TEAD2: variants seen among roughly 807,000 people sequenced by gnomAD.
TEAD2 encodes the protein transcriptional enhancer factor TEF-4.
Under a neutral mutation model 61.4 loss-of-function variants are expected in TEAD2, and 51 were observed. The ratio of observed to expected loss-of-function variants is 0.83; its 90% CI spans 0.66 to 1.05. The LOEUF is 1.05. TEAD2 is among the 50% of genes least tolerant of loss of function. The probability of loss-of-function intolerance (pLI) is 0.00; values close to 1 mark genes in which losing one functional copy is unlikely to be tolerated. For synonymous variants in TEAD2, 244 were observed against 243.2 expected (o/e 1.00, Z -0.03); for missense variants, 509 against 600.0 (o/e 0.85, Z 1.58).
Position 49,342,481 on chromosome 19 carries a change from C to T in TEAD2, c.1199G>A (p.Arg400Gln), listed in dbSNP as rs145831895. Residue 400 changes from arginine to glutamine, a missense_variant, in exon 12 of 13, where the codon CGA becomes CAA. Arg to Gln is a conservative substitution (Grantham distance 43). Transcript: ENST00000593945. The stretch of plus-strand genomic sequence containing the variant: ...TTCCAGGACGCTGTTCATCATGTAT[C>T]GCTCAGGCAGCTGCCGCAACTTGTG... ...FLHKLRQLPE[R>Q]YMMNSVLENF... 3.8e-4 allele frequency: 608 copies of T among 1,614,152 alleles called. 2 individuals carry two copies. The African/African-American group carries it at 7.1e-3, about 19-fold the overall frequency.
rs1971994994 is a variant in TEAD2, at chr19:49,351,164, G to A, written c.604+137C>T. ...ACTGCACTCCAGCCTGGCGACAGAGGGAGACTCCATCTCAAAACAAAACAA... is the reference window on the plus strand; with the variant it reads ...ACTGCACTCCAGCCTGGCGACAGAGAGAGACTCCATCTCAAAACAAAACAA... On this transcript the variant is annotated intron_variant, in intron 8 of 12. Transcript: ENST00000593945. The A allele has an allele frequency of 3.7e-6, 3 of 818,486 alleles. 1 individual carries two copies. The South Asian group carries it at 5.2e-5, about 14-fold the overall frequency. 50.7% of individuals were successfully genotyped at this position (818,486 alleles called of 1,614,324 possible). A position where few individuals can be genotyped will look rare whatever the true frequency, so the allele number is the denominator to read the frequency against.
intron 10 of TEAD2, among the ~76,000 whole-genome samples, chr19:49,344,783 A>C (rs115076500): frequency 0.034 from 5,234 of 152,142 alleles, 282 homozygotes; most frequent in African/African-American, 0.12. Flanking sequence ...TCCTCCTCAG[A>C]GCACTTCCCC....
intron 4 of TEAD2, among the ~76,000 whole-genome samples, chr19:49,356,754 C>T (rs893321878): frequency 5.3e-5 from 8 of 152,058 alleles, no homozygotes; most frequent in Admixed American, 4.6e-4. Flanking sequence ...ACGGCCCATC[C>T]TTCCTGCTGT....
rs146680889 is a variant in TEAD2, at chr19:49,341,376, G to C, written c.1304C>G (p.Ser435Cys). The change falls in exon 13 of 13, where the codon TCC (serine) becomes TGC (cysteine). Residue 435 changes from serine to cysteine, a missense_variant. Ser to Cys is a moderately radical substitution (Grantham distance 112). Coordinates refer to ENST00000593945, the MANE Select transcript of TEAD2 (RefSeq NM_001256660.2). This position sits in a 1 kb window ranked among gnomAD's most constrained non-coding sequence, Gnocchi z 4.2. ...LLCTAYVFEV[S>C]TSERGAQHHI... ...ATGCTGGGCCCCACGCTCGCTGGTG[G>C]AGACCTCGAAGACATAGGCGGTGCA... is the stretch of plus-strand genomic sequence containing the variant. The C allele has an allele frequency of 6.9e-5, 111 of 1,614,068 alleles. No homozygotes were observed. The African/African-American group carries it at 1.3e-3, about 18-fold the overall frequency.
intron 8 of TEAD2, among the ~76,000 whole-genome samples, chr19:49,350,518 G>C (rs144629428): frequency 5.9e-5 from 9 of 151,352 alleles, no homozygotes; most frequent in Non-Finnish European, 1.0e-4. Flanking sequence ...GTAGAGGTTG[G>C]GGGGGGTGGT....
chr19:49,359,394 C>G lies in TEAD2; in HGVS notation c.297+41G>C. The G allele has an allele frequency of 6.3e-7, 1 of 1,598,790 alleles. No homozygotes were observed. Among genetic ancestry groups the G allele is most frequent in the Non-Finnish European group, 8.6e-7 (1 of 1,166,508 alleles). ...CATGCGAGGATGACCCTAAGAAGAC[C>G]GGCCCATCCCAGACAGAAGCCCACA... is the stretch of plus-strand genomic sequence containing the variant. On this transcript the variant is annotated intron_variant, in intron 3 of 12. Transcript: ENST00000593945. This position sits in a 1 kb window ranked among gnomAD's most constrained non-coding sequence, Gnocchi z 4.1.
chr19:49,342,141 G>A (rs1466402917), intron 12 of TEAD2, among the ~76,000 whole-genome samples: 6 of 151,968 alleles, frequency 3.9e-5, no homozygotes, highest in East Asian at 1.9e-4. Context: ...GCAGTGAGCC[G>A]AGATCTTGCC....
chr19:49,354,468 C>G (rs2146520817), intron 7 of TEAD2, among the ~76,000 whole-genome samples: 1 of 150,790 alleles, frequency 6.6e-6, no homozygotes, highest in South Asian at 2.1e-4. Flanking sequence ...TGTGCCACCG[C>G]ACCCCAGCTT....
chr19:49,359,434 C>A lies in TEAD2; in HGVS notation c.297+1G>T, dbSNP rs1201741777. On this transcript the variant is annotated splice_donor_variant, in intron 3 of 12. Transcript: ENST00000593945. LOFTEE classifies it high-confidence loss of function. The surrounding 1 kb of genome is among the most constrained non-coding windows in gnomAD (Gnocchi z 4.1). The stretch of plus-strand genomic sequence containing the variant: ...AGAAGCCCACAAGTCCATTCCGAGA[C>A]CTGTTTTCGAGTTCGGGTCTTCCCC... 1 of 1,614,050 alleles carries A rather than the reference C, an allele frequency of 6.2e-7. No individual in the cohort carries two copies. The highest frequency in any genetic ancestry group is 1.7e-5 in the Admixed American group (1 of 59,988).
At chr19:49,348,627 A>G (rs763903536) in intron 9 of TEAD2, 76 bp downstream of exon 9, 140 of 1,342,570 alleles carry the variant, frequency 1.0e-4, no homozygotes, top group Non-Finnish European at 1.4e-4. Flanking sequence ...TTTTAAAACC[A>G]TGACTTTATA....
intron 3 of TEAD2, among the ~76,000 whole-genome samples, chr19:49,358,284 G>A (rs749314107): frequency 1.3e-5 from 2 of 151,998 alleles, no homozygotes; most frequent in African/African-American, 2.4e-5. Context: ...ATGTGGAGGC[G>A]CATGCTTGTA....
At chr19:49,346,473 A>G (rs1464704949) in intron 10 of TEAD2, among the ~76,000 whole-genome samples, 2 of 152,112 alleles carry the variant, frequency 1.3e-5, no homozygotes, top group Non-Finnish European at 2.9e-5. Flanking sequence ...CCTGGCCAAC[A>G]TGGTGAAACC....
chr19:49,357,367 T>A, intron 3 of TEAD2, 53 bp from the exon 4 acceptor site: 1 of 1,570,164 alleles, frequency 6.4e-7, no homozygotes, highest in South Asian at 1.1e-5. Context: ...GCCCCTGTGT[T>A]CACTACCCCT....
rs1971262362 is a variant in TEAD2, at chr19:49,341,559, G to A, written c.1243-122C>T. 9 of 759,460 alleles carry A rather than the reference G, an allele frequency of 1.2e-5. No homozygotes were observed. Among genetic ancestry groups the A allele is most frequent in the Non-Finnish European group, 1.8e-5 (8 of 453,496 alleles). 47.0% of individuals were successfully genotyped at this position (759,460 alleles called of 1,614,324 possible). On this transcript the variant is annotated intron_variant, in intron 12 of 12. Transcript: ENST00000593945. The surrounding 1 kb of genome is among the most constrained non-coding windows in gnomAD (Gnocchi z 4.2). ...CTTTTCCATCTCCAGGAAACAGGCC[G>A]CCACCATATCATGTTCCCCAGGAGA...
At chr19:49,356,132 G>T in intron 4 of TEAD2, 162 bp from the exon 5 acceptor site, 1 of 481,098 alleles carries the variant, frequency 2.1e-6, no homozygotes, top group Non-Finnish European at 3.3e-6. Flanking sequence ...AGTGGAGGTG[G>T]CCAGCCCTGG....
In TEAD2 at chr19:49,357,282, C is replaced by T; in HGVS notation, c.330G>A (p.Arg110=). The T allele has an allele frequency of 6.2e-7, 1 of 1,610,724 alleles. No individual in the cohort carries two copies. The highest frequency in any genetic ancestry group is 8.5e-7 in the Non-Finnish European group (1 of 1,178,560). Residue 110 remains arginine (R), a synonymous_variant, in exon 4 of 13, where the codon AGG becomes AGA. Coordinates refer to ENST00000593945, the MANE Select transcript of TEAD2 (RefSeq NM_001256660.2). ...VSSHIQVLAR[R]KSREIQSKLK... is the part of the protein sequence containing the mutation. ...ACTTGGACTGGATTTCCCTTGATTTCCTTCGGGCCAAAACCTGGATGTGAC... is the reference window on the plus strand; with the variant it reads ...ACTTGGACTGGATTTCCCTTGATTTTCTTCGGGCCAAAACCTGGATGTGAC...
At chr19:49,354,078 G>A (rs1416573609) in intron 7 of TEAD2, among the ~76,000 whole-genome samples, 2 of 150,806 alleles carry the variant, frequency 1.3e-5, no homozygotes, top group South Asian at 2.1e-4. Flanking sequence ...GATTACAGGC[G>A]TGAGCCACCA....
rs115878765 is a variant in TEAD2, at chr19:49,341,980, G to A, written c.1242+458C>T. On this transcript the variant is annotated intron_variant, in intron 12 of 12. Coordinates refer to ENST00000593945, the MANE Select transcript of TEAD2 (RefSeq NM_001256660.2). The surrounding 1 kb of genome is among the most constrained non-coding windows in gnomAD (Gnocchi z 4.2). ...GGCCTAGGCAGGTGGATCACTTGAG[G>A]TCGGAGATCAAGACCAACCTGGCCA... 3.7e-3 allele frequency among the ~76,000 whole-genome samples: 565 copies of A among 152,110 alleles called. 2 individuals carry two copies. Among genetic ancestry groups the A allele is most frequent in the Middle Eastern group, 0.014 (4 of 294 alleles).
At chr19:49,347,095 T>A in intron 10 of TEAD2, 95 bp downstream of exon 10, 1 of 1,509,014 alleles carries the variant, frequency 6.6e-7, no homozygotes, top group Non-Finnish European at 9.0e-7. Flanking sequence ...CAGGCTGACC[T>A]GGTAGGGCCC....
Sources: gnomAD v4.1 joint callset for allele counts (sites outside exome capture counted in the v4.1 genomes callset) on GRCh38, gnomAD v4.1.1 for gene constraint, Gnocchi (gnomAD v3.1) non-coding constraint, MANE v1.5 for transcripts, NCBI Gene and HGNC (gene_info 2026-07-23, HGNC 2026-07-21) for gene names.